PRR5L: variants seen among roughly 807,000 people sequenced by gnomAD.
PRR5L encodes proline rich 5 like.
In PRR5L, 21 loss-of-function variants were observed where a neutral mutation model predicts 36.4. The observed-to-expected ratio is 0.58, with a 90% CI of 0.41 to 0.83. The LOEUF (loss-of-function observed/expected upper bound fraction) is 0.83, where lower values mean the gene tolerates loss of function less well. Among genes scored for constraint, PRR5L ranks in the 40% least tolerant of loss-of-function variants. The pLI, the probability that PRR5L is intolerant of heterozygous loss-of-function variation, is 0.00. For missense variants in PRR5L, 381 were observed against 473.3 expected, an observed-to-expected ratio of 0.80 and a Z score of 1.81; for synonymous variants, 188 against 197.0, an observed-to-expected ratio of 0.95 and a Z score of 0.38.
At chr11:36,310,892 G>A (rs1856494621) in intron 1 of PRR5L, among the ~76,000 whole-genome samples, 1 of 150,732 alleles carries the variant, frequency 6.6e-6, no homozygotes, top group Non-Finnish European at 1.5e-5. Flanking sequence ...AGCTACTCGG[G>A]AGGCCAAGGC....
chr11:36,425,129 G>T (rs1858353848), intron 4 of PRR5L, among the ~76,000 whole-genome samples: 1 of 152,158 alleles, frequency 6.6e-6, no homozygotes, highest in Non-Finnish European at 1.5e-5. Flanking sequence ...GCCACAATCT[G>T]CGTTTTGATG....
chr11:36,414,405 T>G (rs1858097501), intron 3 of PRR5L, among the ~76,000 whole-genome samples: 1 of 149,108 alleles, frequency 6.7e-6, no homozygotes, highest in African/African-American at 2.5e-5. Context: ...TGATTGCCAT[T>G]CTAACTGGTG....
chr11:36,386,092 T>G (rs1857451810), intron 1 of PRR5L, among the ~76,000 whole-genome samples: 1 of 152,124 alleles, frequency 6.6e-6, no homozygotes, highest in Non-Finnish European at 1.5e-5. Context: ...GGCCAGGAGT[T>G]CAAGACTAGT....
chr11:36,415,400 A>G (rs1858120069), intron 3 of PRR5L, among the ~76,000 whole-genome samples: 1 of 152,222 alleles, frequency 6.6e-6, no homozygotes, highest in African/African-American at 2.4e-5. Context: ...ACATGTAGAC[A>G]TAGAGAAGAG....
chr11:36,438,539 A>T, intron 6 of PRR5L, among the ~76,000 whole-genome samples: 1 of 152,318 alleles, frequency 6.6e-6, no homozygotes, highest in Middle Eastern at 3.4e-3. Context: ...GATAGTACAG[A>T]TAGAAGCTTC....
rs561835148 is a variant in PRR5L, at chr11:36,406,619, G to C, written c.245+3241G>C. Among the ~76,000 whole-genome samples the C allele has an allele frequency of 3.3e-4, 50 of 152,270 alleles. 1 individual carries two copies. In the South Asian group the frequency reaches 0.01, roughly 31 times the overall value. On this transcript the variant is annotated intron_variant, in intron 3 of 8. Transcript: ENST00000530639. Reference sequence around the variant, plus strand: ...AAACACTGAAATAGGCTGCTCTCTGGTTACATTCAAGTAGACACTTGGGTT... The same window carrying C: ...AAACACTGAAATAGGCTGCTCTCTGCTTACATTCAAGTAGACACTTGGGTT...
At chr11:36,431,800 A>ACT (rs1554930105) in intron 4 of PRR5L, 53 bp from the exon 5 acceptor site, 1 of 1,539,956 alleles carries the variant, frequency 6.5e-7, no homozygotes, top group Non-Finnish European at 9.0e-7. Context: ...AGGGTTCATC[A>ACT]CTTACGCTCT....
At chr11:36,457,562 C>T (rs548722912) in intron 8 of PRR5L, among the ~76,000 whole-genome samples, 12 of 151,296 alleles carry the variant, frequency 7.9e-5, no homozygotes, top group South Asian at 4.2e-4. Flanking sequence ...GCCAAGTTCG[C>T]GCCACTGCAC....
At chr11:36,413,957 G>A (rs1035037834) in intron 3 of PRR5L, among the ~76,000 whole-genome samples, 32 of 144,996 alleles carry the variant, frequency 2.2e-4, no homozygotes, top group African/African-American at 7.8e-4. Flanking sequence ...GTGAGAACAT[G>A]CGGTGTTTGG....
intron 1 of PRR5L, among the ~76,000 whole-genome samples, chr11:36,341,428 T>A (rs1308283792): frequency 6.6e-6 from 1 of 152,102 alleles, no homozygotes; most frequent in Non-Finnish European, 1.5e-5. Flanking sequence ...GTGCTGTGGA[T>A]GTAACAATGG....
intron 1 of PRR5L, among the ~76,000 whole-genome samples, chr11:36,318,786 G>A (rs1476992328): frequency 6.6e-6 from 1 of 151,972 alleles, no homozygotes; most frequent in East Asian, 1.9e-4. Flanking sequence ...GAAATTGAGA[G>A]AAAGTTGGAT....
At chr11:36,387,716 C>G (rs553789935) in intron 1 of PRR5L, among the ~76,000 whole-genome samples, 81 of 152,244 alleles carry the variant, frequency 5.3e-4, no homozygotes, top group Middle Eastern at 3.4e-3. Flanking sequence ...GTGACTTGCC[C>G]AAGGCCACAG....
At position 36,464,309 on chromosome 11, in the gene PRR5L, G is replaced by A. The variant is rs976651332; in HGVS notation, c.*1573G>A. ...GGGTGCTGGGAGAAGGTGAAGATCA[G>A]TCTAAGCTGCCACGGTGATGAGACC... On this transcript the variant is annotated 3_prime_UTR_variant, in exon 9 of 9. Transcript: ENST00000530639. The A allele has an allele frequency of 6.6e-6, 1 of 152,362 alleles. No individual in the cohort carries two copies. Among genetic ancestry groups the A allele is most frequent in the East Asian group, 1.9e-4 (1 of 5,188 alleles). 9.4% of individuals were successfully genotyped at this position (152,362 alleles called of 1,614,324 possible). A position where few individuals can be genotyped will look rare whatever the true frequency, so the allele number is the denominator to read the frequency against.
chr11:36,345,661 C>G (rs963301534), intron 1 of PRR5L, among the ~76,000 whole-genome samples: 1 of 152,210 alleles, frequency 6.6e-6, no homozygotes, highest in Non-Finnish European at 1.5e-5. Context: ...ACTCCTCCTC[C>G]CCTGTTCCAA....
At position 36,401,094 on chromosome 11, in the gene PRR5L, A is replaced by G; in HGVS notation, c.-28A>G. On this transcript the variant is annotated 5_prime_UTR_variant, in exon 2 of 9. Coordinates refer to ENST00000530639, the MANE Select transcript of PRR5L (RefSeq NM_001160167.2). ...GGCATTCGGAACCTTCTGGTCCTAG[A>G]GGTGAAGCTGAACTGTCACCAGGAC... The G allele has an allele frequency of 1.2e-6, 2 of 1,612,496 alleles. No homozygotes were observed. Among genetic ancestry groups the G allele is most frequent in the East Asian group, 2.2e-5 (1 of 44,842 alleles).
intron 1 of PRR5L, among the ~76,000 whole-genome samples, chr11:36,334,331 G>A (rs980424618): frequency 1.3e-5 from 2 of 152,176 alleles, no homozygotes; most frequent in Non-Finnish European, 2.9e-5. Flanking sequence ...ACATCTGATT[G>A]TATTTCCCTC....
chr11:36,353,140 T>C (rs1856992635), intron 1 of PRR5L, among the ~76,000 whole-genome samples: 1 of 152,184 alleles, frequency 6.6e-6, no homozygotes, highest in Non-Finnish European at 1.5e-5. Flanking sequence ...GCAGCATCTC[T>C]GTCTTGCACG....
At chr11:36,449,948 G>C (rs987773261) in intron 7 of PRR5L, among the ~76,000 whole-genome samples, 1 of 152,082 alleles carries the variant, frequency 6.6e-6, no homozygotes, top group Non-Finnish European at 1.5e-5. Flanking sequence ...TGGAAGGTTT[G>C]GGGGAGAAGC....
chr11:36,325,515 A>C (rs1245237755), intron 1 of PRR5L, among the ~76,000 whole-genome samples: 1 of 152,222 alleles, frequency 6.6e-6, no homozygotes, highest in Non-Finnish European at 1.5e-5. Flanking sequence ...TGCTGGCTTG[A>C]ATGCCTGGGT....
Sources: gnomAD v4.1 joint callset for allele counts (sites outside exome capture counted in the v4.1 genomes callset) on GRCh38, gnomAD v4.1.1 for gene constraint, MANE v1.5 for transcripts, NCBI Gene and HGNC (gene_info 2026-07-23, HGNC 2026-07-21) for gene names.